PPARD: variants seen among roughly 807,000 people sequenced by gnomAD.
PPARD encodes the protein peroxisome proliferator-activated receptor delta.
A neutral mutation model predicts 39.5 loss-of-function variants in PPARD; 6 were observed. That is an observed-to-expected ratio of 0.15 (90% CI 0.08 to 0.30). PPARD has a LOEUF of 0.30. Ranked by LOEUF, PPARD falls within the 10% of genes least tolerant of loss-of-function variation. PPARD has a pLI of 1.00. For missense variants in PPARD, 397 were observed against 596.8 expected (o/e 0.67, Z 3.49); for synonymous variants, 210 against 231.3 (o/e 0.91, Z 0.83).
At chr6:35,395,513 C>G (rs1158090137) in intron 2 of PPARD, among the ~76,000 whole-genome samples, 1 of 152,132 alleles carries the variant, frequency 6.6e-6, no homozygotes, top group African/African-American at 2.4e-5. Context: ...AGCCACACAT[C>G]AAGAGGACGT....
At chr6:35,345,156 A>G (rs1055953442) in intron 1 of PPARD, among the ~76,000 whole-genome samples, 3 of 152,182 alleles carry the variant, frequency 2.0e-5, no homozygotes, top group African/African-American at 7.2e-5. Context: ...CAGCTTGGGC[A>G]CCAGCAGCCC....
rs202181265 is a variant in PPARD at position 35,424,919 on chromosome 6, A to G, written c.1078+140A>G. 25 of 1,451,106 alleles carry G rather than the reference A, an allele frequency of 1.7e-5. No individual in the cohort carries two copies. The highest frequency in any genetic ancestry group is 2.2e-5 in the Non-Finnish European group (24 of 1,106,170). 89.9% of individuals were successfully genotyped at this position (1,451,106 alleles called of 1,614,324 possible). On this transcript the variant is annotated intron_variant, in intron 7 of 7. Coordinates refer to ENST00000360694, the MANE Select transcript of PPARD (RefSeq NM_006238.5). This position sits in a 1 kb window ranked among gnomAD's most constrained non-coding sequence, Gnocchi z 7.1. The stretch of plus-strand genomic sequence containing the variant: ...ATCTTGGCAGTGGAACATGCAAGGC[A>G]CTGACTGAGCATGCAGGATCAGCTC...
At chr6:35,347,937 C>T (rs1422979124) in intron 2 of PPARD, among the ~76,000 whole-genome samples, 2 of 117,664 alleles carry the variant, frequency 1.7e-5, no homozygotes, top group African/African-American at 6.6e-5. Context: ...GATGGAGTTT[C>T]GCTCTTGTTG....
chr6:35,343,096 C>G (rs1007641164), intron 1 of PPARD, among the ~76,000 whole-genome samples: 1 of 151,938 alleles, frequency 6.6e-6, no homozygotes, highest in Non-Finnish European at 1.5e-5. Context: ...TTCTGGTGTT[C>G]CTGAATCCAC....
Position 35,350,722 on chromosome 6 carries a change from T to G in PPARD, c.-102+3572T>G, listed in dbSNP as rs571443986. Among the ~76,000 whole-genome samples the G allele has an allele frequency of 9.5e-4, 137 of 144,078 alleles. 1 individual carries two copies. The highest frequency in any genetic ancestry group is 7.6e-3 in the Middle Eastern group (2 of 264). The allele number at this position is 144,078 out of a possible 152,430, so 94.5% of individuals were successfully genotyped here. A position where few individuals can be genotyped will look rare whatever the true frequency, so the allele number is the denominator to read the frequency against. ...CTCACTGCAGCCTCTGCCTCCCGTG[T>G]TCGAGCAGTTCTCCTGCCTCAGTCT... On this transcript the variant is annotated intron_variant, in intron 2 of 7. Coordinates refer to ENST00000360694, the MANE Select transcript of PPARD (RefSeq NM_006238.5).
At chr6:35,400,973 G>A (rs1346878893) in intron 2 of PPARD, among the ~76,000 whole-genome samples, 11 of 152,050 alleles carry the variant, frequency 7.2e-5, no homozygotes, top group African/African-American at 2.2e-4. Flanking sequence ...TGTTAGTATC[G>A]ATTGGCCTCA....
chr6:35,386,488 C>A (rs1478847954), intron 2 of PPARD, among the ~76,000 whole-genome samples: 2 of 148,804 alleles, frequency 1.3e-5, no homozygotes, highest in Non-Finnish European at 2.9e-5. Context: ...GAGACCCCAT[C>A]TTAAAAACAA....
chr6:35,375,481 G>C (rs534214644), intron 2 of PPARD, among the ~76,000 whole-genome samples: 1 of 152,202 alleles, frequency 6.6e-6, no homozygotes, highest in Admixed American at 6.5e-5. Context: ...CTCCCAAAGT[G>C]CTGGGATTAC....
chr6:35,349,764 G>A (rs1761124237), intron 2 of PPARD, among the ~76,000 whole-genome samples: 1 of 150,908 alleles, frequency 6.6e-6, no homozygotes, highest in Admixed American at 6.6e-5. Flanking sequence ...TTTTTGAGAT[G>A]GAATCTTGCT....
At chr6:35,416,837 G>A (rs544074457) in intron 3 of PPARD, among the ~76,000 whole-genome samples, 31 of 152,182 alleles carry the variant, frequency 2.0e-4, no homozygotes, top group Middle Eastern at 3.4e-3. Flanking sequence ...CTTACCTGGC[G>A]TTGCTCCACT....
intron 5 of PPARD, 102 bp from the exon 6 acceptor site, chr6:35,423,844 G>C (rs1766381626): frequency 8.7e-7 from 1 of 1,143,296 alleles, no homozygotes; most frequent in Non-Finnish European, 1.2e-6. Context: ...GGGGGCCTTA[G>C]GCTCCAAAAG....
chr6:35,409,147 A>G (rs1368780564), intron 2 of PPARD, among the ~76,000 whole-genome samples: 4 of 152,152 alleles, frequency 2.6e-5, no homozygotes, highest in African/African-American at 7.2e-5. Flanking sequence ...AGCTGATTGA[A>G]TGTTGATCAC....
At chr6:35,372,615 G>T (rs922225165) in intron 2 of PPARD, among the ~76,000 whole-genome samples, 19 of 152,212 alleles carry the variant, frequency 1.2e-4, no homozygotes, top group African/African-American at 1.7e-4. Context: ...TGCCACAGTT[G>T]TCTTTGTCTC....
At chr6:35,364,497 G>A (rs958618191) in intron 2 of PPARD, among the ~76,000 whole-genome samples, 11 of 147,280 alleles carry the variant, frequency 7.5e-5, no homozygotes, top group African/African-American at 2.3e-4. Context: ...GCAGTGGCAC[G>A]ATCTTGGCTC....
At chr6:35,370,958 A>G (rs2150537347) in intron 2 of PPARD, among the ~76,000 whole-genome samples, 1 of 152,242 alleles carries the variant, frequency 6.6e-6, no homozygotes, top group Non-Finnish European at 1.5e-5. Flanking sequence ...TGGTTTTCCC[A>G]TCACATTTCC....
intron 2 of PPARD, among the ~76,000 whole-genome samples, chr6:35,384,819 C>A (rs1463059221): frequency 3.2e-5 from 2 of 61,578 alleles, no homozygotes; most frequent in Non-Finnish European, 6.3e-5. Flanking sequence ...CCAGCCGCCC[C>A]GTCCGGGAGG....
At chr6:35,362,323 AT>A (rs1319306029) in intron 2 of PPARD, among the ~76,000 whole-genome samples, 1 of 151,886 alleles carries the variant, frequency 6.6e-6, no homozygotes. Flanking sequence ...TTGTTCCTTG[AT>A]GTTATTGCCA....
At chr6:35,422,918 T>C (rs1052090977) in intron 5 of PPARD, among the ~76,000 whole-genome samples, 3 of 152,000 alleles carry the variant, frequency 2.0e-5, no homozygotes, top group African/African-American at 7.2e-5. Context: ...CTCATTTTTC[T>C]GATTAAAAAA....
At chr6:35,357,958 C>T (rs1400132413) in intron 2 of PPARD, among the ~76,000 whole-genome samples, 1 of 152,142 alleles carries the variant, frequency 6.6e-6, no homozygotes, top group Non-Finnish European at 1.5e-5. Context: ...GTGTTTCTTC[C>T]AAACTTTTGG....
Sources: gnomAD v4.1 joint callset for allele counts (sites outside exome capture counted in the v4.1 genomes callset) on GRCh38, gnomAD v4.1.1 for gene constraint, Gnocchi (gnomAD v3.1) non-coding constraint, MANE v1.5 for transcripts, NCBI Gene and HGNC (gene_info 2026-07-23, HGNC 2026-07-21) for gene names.